MEPCE: variants seen among roughly 807,000 people sequenced by gnomAD.
The protein encoded by MEPCE is methylphosphate capping enzyme.
MEPCE carries 9 observed loss-of-function variants against 52.3 expected under a neutral mutation model. The observed-to-expected ratio is 0.17, with a 90% CI of 0.10 to 0.30. MEPCE has a LOEUF of 0.30. Ranked by LOEUF, MEPCE falls within the 10% of genes least tolerant of loss-of-function variation. The pLI, the probability that MEPCE is intolerant of heterozygous loss-of-function variation, is 1.00. For missense variants in MEPCE, 826 were observed against 933.0 expected, an observed-to-expected ratio of 0.89 and a Z score of 1.49; for synonymous variants, 477 against 401.6, an observed-to-expected ratio of 1.19 and a Z score of -2.25.
Position 100,430,555 on chromosome 7 carries a change from T to C in MEPCE, c.537T>C (p.Ser179=), listed in dbSNP as rs979057742. Residue 179 remains serine (S), a synonymous_variant, in exon 1 of 4, where the codon TCT becomes TCC. Transcript: ENST00000310512. The stretch of plus-strand genomic sequence containing the variant: ...GGCGGGTGAATTCGGACTGTGACTC[T>C]GTGTTACCCTCCAACTTCCTCCTGG... ...RRRRVNSDCD[S]VLPSNFLLGG... The C allele has an allele frequency of 2.5e-6, 4 of 1,594,356 alleles. No homozygotes were observed. The highest frequency in any genetic ancestry group is 1.3e-5 in the African/African-American group (1 of 74,714).
At chr7:100,431,834 T>C in intron 1 of MEPCE, 145 bp downstream of exon 1, 1 of 761,370 alleles carries the variant, frequency 1.3e-6, no homozygotes, top group Non-Finnish European at 2.1e-6. Flanking sequence ...GTCTCTCCCC[T>C]CTTATAACCT....
rs769371814 is a variant in MEPCE, at chr7:100,430,619, C to T, written c.601C>T (p.Leu201=). The stretch of plus-strand genomic sequence containing the variant: ...TGATCCCCTGAACCTGAATAGCCTC[C>T]TGGATGAGGAAGTGAGCCGCACTCT... ...IFDPLNLNSL[L]DEEVSRTLNA... is the part of the protein sequence containing the mutation. Residue 201 remains leucine (L), a synonymous_variant, in exon 1 of 4, where the codon CTG becomes TTG. Transcript: ENST00000310512. The T allele has an allele frequency of 2.5e-6, 4 of 1,613,350 alleles. No homozygotes were observed. Among genetic ancestry groups the T allele is most frequent in the East Asian group, 2.2e-5 (1 of 44,874 alleles).
chr7:100,433,836 G>T lies in MEPCE; in HGVS notation c.*282G>T, dbSNP rs1389130504. The T allele has an allele frequency of 6.0e-6, 3 of 497,494 alleles. No homozygotes were observed. The highest frequency in any genetic ancestry group is 1.1e-5 in the Non-Finnish European group (3 of 279,858). The allele number at this position is 497,494 out of a possible 1,614,324, so 30.8% of individuals were successfully genotyped here. A position where few individuals can be genotyped will look rare whatever the true frequency, so the allele number is the denominator to read the frequency against. ...TGTTTGCTGACCTCTGTTCTCTTAGGGCATGGGAGGTGGGAGGATATCAAA... is the reference window on the plus strand; with the variant it reads ...TGTTTGCTGACCTCTGTTCTCTTAGTGCATGGGAGGTGGGAGGATATCAAA... On this transcript the variant is annotated 3_prime_UTR_variant, in exon 4 of 4. Coordinates refer to ENST00000310512, the MANE Select transcript of MEPCE (RefSeq NM_019606.6).
Position 100,431,619 on chromosome 7 carries a change from T to C in MEPCE, c.1601T>C (p.Ile534Thr), listed in dbSNP as rs1268813754. ...PASLTASRGP[I>T]AAPQVPLDGA... Reference sequence around the variant, plus strand: ...TCGCTGACTGCCAGCCGGGGTCCCATCGCTGCCCCCCAAGTGCCCTTGGAT... The same window carrying C: ...TCGCTGACTGCCAGCCGGGGTCCCACCGCTGCCCCCCAAGTGCCCTTGGAT... Residue 534 changes from isoleucine to threonine, a missense_variant, in exon 1 of 4, where the codon ATC (isoleucine) becomes ACC (threonine). Ile to Thr is a moderately conservative substitution (Grantham distance 89, BLOSUM62 -1). Around this residue, in one of 7 missense-constraint regions of MEPCE, gnomAD observed 107 missense variants for 157.9 expected, o/e 0.68. Coordinates refer to ENST00000310512, the MANE Select transcript of MEPCE (RefSeq NM_019606.6). 2 of 1,608,986 alleles carry C rather than the reference T, an allele frequency of 1.2e-6. No homozygotes were observed. The highest frequency in any genetic ancestry group is 1.7e-6 in the Non-Finnish European group (2 of 1,180,000).
chr7:100,432,143 C>T (rs866688163), intron 1 of MEPCE, among the ~76,000 whole-genome samples: 1 of 152,202 alleles, frequency 6.6e-6, no homozygotes, highest in African/African-American at 2.4e-5. Flanking sequence ...CCTTTGATAG[C>T]CACCTTGCTC....
chr7:100,429,187 A>G (rs760498038), upstream of MEPCE: 1 of 152,026 alleles, frequency 6.6e-6, no homozygotes, highest in Non-Finnish European at 1.5e-5. Context: ...CAGCTCATGA[A>G]TAATTCATGA....
Position 100,430,915 on chromosome 7 carries a change from C to T in MEPCE, c.897C>T (p.Ala299=), listed in dbSNP as rs1332341426. 1.2e-6 allele frequency: 2 copies of T among 1,608,914 alleles called. No individual in the cohort carries two copies. The highest frequency in any genetic ancestry group is 1.7e-5 in the Admixed American group (1 of 59,800). ...PLTPLLHGEG[A]SQQPRHRGQN... ...CCCCCTTACTCCACGGGGAGGGCGC[C>T]TCACAGCAGCCGCGGCACAGGGGCC... Residue 299 remains alanine (A), a synonymous_variant, in exon 1 of 4, where the codon GCC becomes GCT. Coordinates refer to ENST00000310512, the MANE Select transcript of MEPCE (RefSeq NM_019606.6).
upstream of MEPCE, chr7:100,429,698 G>A: frequency 3.5e-6 from 1 of 287,758 alleles, no homozygotes; most frequent in East Asian, 5.5e-5. Context: ...TGGTGGCGGA[G>A]TGCGCATGCG....
rs140474713 is a variant in MEPCE at position 100,431,536 on chromosome 7, G to A, written c.1518G>A (p.Pro506=). Residue 506 remains proline, a synonymous_variant, in exon 1 of 4, where the codon CCG becomes CCA. Coordinates refer to ENST00000310512, the MANE Select transcript of MEPCE (RefSeq NM_019606.6). ...RLPPQTLEGD[P]GAEGEEGTTT... ...CACCCCAGACTTTGGAAGGGGACCC[G>A]GGGGCAGAGGGTGAGGAAGGGACCA... is the stretch of plus-strand genomic sequence containing the variant. 10 of 1,612,692 alleles carry A rather than the reference G, an allele frequency of 6.2e-6. No homozygotes were observed. The East Asian group carries it at 1.1e-4, about 18-fold the overall frequency.
In MEPCE at chr7:100,430,986, A is replaced by G. The variant is rs1323239855; in HGVS notation, c.968A>G (p.Asn323Ser). Residue 323 changes from asparagine (N) to serine (S), a missense_variant, in exon 1 of 4, where the codon AAC (asparagine) becomes AGC (serine). Asn to Ser is a conservative substitution (Grantham distance 46). This residue lies in a region of MEPCE where 307 missense variants were observed against 292.1 expected (regional missense o/e 1.05). Coordinates refer to ENST00000310512, the MANE Select transcript of MEPCE (RefSeq NM_019606.6). ...CCCTATGAACTCAACACAGCCATCA[A>G]CTGCAGGGATGAAGTGGTGTCTCCC... ...PQPYELNTAI[N>S]CRDEVVSPLP... The G allele has an allele frequency of 7.4e-6, 12 of 1,612,814 alleles. No homozygotes were observed. The highest frequency in any genetic ancestry group is 2.2e-5 in the South Asian group (2 of 90,988).
Position 100,429,905 on chromosome 7 carries a change from A to T in MEPCE, c.-114A>T. On this transcript the variant is annotated 5_prime_UTR_variant, in exon 1 of 4. Transcript: ENST00000310512. ...CTTGGGCGCGAGACTAGGCGTGAAG[A>T]GCAGAGCTGCGCGCGCACTCGGGAA... 1 of 855,904 alleles carries T rather than the reference A, an allele frequency of 1.2e-6. No individual in the cohort carries two copies. Among genetic ancestry groups the T allele is most frequent in the Non-Finnish European group, 1.5e-6 (1 of 646,974 alleles). The allele number at this position is 855,904 out of a possible 1,614,324, so 53.0% of individuals were successfully genotyped here. A position where few individuals can be genotyped will look rare whatever the true frequency, so the allele number is the denominator to read the frequency against.
upstream of MEPCE, chr7:100,429,239 C>G (rs1457707683): frequency 6.6e-6 from 1 of 152,242 alleles, no homozygotes; most frequent in Non-Finnish European, 1.5e-5. Context: ...CCGGATCGCG[C>G]TGACGCACGC....
chr7:100,433,422 T>C, intron 3 of MEPCE, 33 bp downstream of exon 3: 1 of 1,614,132 alleles, frequency 6.2e-7, no homozygotes, highest in East Asian at 2.2e-5. Context: ...GGGAGGCTGG[T>C]CCTGGCTGAA....
Position 100,430,167 on chromosome 7 carries a change from G to A in MEPCE, c.149G>A (p.Gly50Asp). Residue 50 changes from glycine to aspartate, a missense_variant, in exon 1 of 4, where the codon GGT becomes GAT. Physicochemically the swap from Gly to Asp is moderately conservative, Grantham distance 94. Around this residue, in one of 7 missense-constraint regions of MEPCE, gnomAD observed 314 missense variants for 277.7 expected, o/e 1.13. Coordinates refer to ENST00000310512, the MANE Select transcript of MEPCE (RefSeq NM_019606.6). ...GAGCTCCGCGGCGGGACGGAGCGTGGTCCGGGTCGTTGCGCGCCATCTGCG... is the reference window on the plus strand; with the variant it reads ...GAGCTCCGCGGCGGGACGGAGCGTGATCCGGGTCGTTGCGCGCCATCTGCG... ...SGELRGGTER[G>D]PGRCAPSAGS... The A allele has an allele frequency of 7.7e-7, 1 of 1,293,854 alleles. No homozygotes were observed. Among genetic ancestry groups the A allele is most frequent in the African/African-American group, 1.5e-5 (1 of 64,752 alleles). 80.1% of individuals were successfully genotyped at this position (1,293,854 alleles called of 1,614,324 possible).
In MEPCE at chr7:100,430,038, A is replaced by C. The variant is rs1176136668; in HGVS notation, c.20A>C (p.Glu7Ala). 8 of 1,270,878 alleles carry C rather than the reference A, an allele frequency of 6.3e-6. No individual in the cohort carries two copies. Among genetic ancestry groups the C allele is most frequent in the Non-Finnish European group, 6.9e-6 (7 of 1,008,902 alleles). 78.7% of individuals were successfully genotyped at this position (1,270,878 alleles called of 1,614,324 possible). Residue 7 changes from glutamate to alanine, a missense_variant, in exon 1 of 4, where the codon GAG becomes GCG. Transcript: ENST00000310512. MIEMAA[E>A]KEPFLVPAPP... ...GAGGAAATGATCGAGATGGCGGCGG[A>C]GAAGGAGCCGTTTCTGGTGCCGGCC...
upstream of MEPCE, chr7:100,429,820 G>C (rs1232251090): frequency 1.7e-5 from 7 of 420,794 alleles, no homozygotes; most frequent in East Asian, 7.1e-5. Context: ...AGTAGTTCGG[G>C]TCTCGCGGGC....
rs759091141 is a variant in MEPCE at position 100,433,258 on chromosome 7, C to T, written c.1891-5C>T. The T allele has an allele frequency of 6.2e-6, 10 of 1,614,048 alleles. No individual in the cohort carries two copies. The highest frequency in any genetic ancestry group is 7.6e-6 in the Non-Finnish European group (9 of 1,180,044). ...GCTGAAGTGGTCCCTTGCCTCTCTC[C>T]TTAGGAAACGATCTACAAGAACTAC... On this transcript the variant is annotated splice_polypyrimidine_tract_variant and splice_region_variant and intron_variant, in intron 2 of 3. Transcript: ENST00000310512.
In MEPCE at chr7:100,433,376, C is replaced by T; in HGVS notation, c.2004C>T (p.His668=). ...FSSYELVATP[H]NTSKGFQRPV... is the part of the protein sequence containing the mutation. ...GCTATGAGCTTGTGGCCACACCCCA[C>T]AACACCTCTAAAGGTAAGGCTGGTT... Residue 668 remains histidine, a synonymous_variant, in exon 3 of 4, where the codon CAC becomes CAT. Coordinates refer to ENST00000310512, the MANE Select transcript of MEPCE (RefSeq NM_019606.6). 3.1e-6 allele frequency: 5 copies of T among 1,614,226 alleles called. No homozygotes were observed. The highest frequency in any genetic ancestry group is 4.2e-6 in the Non-Finnish European group (5 of 1,180,044).
chr7:100,433,815 T>G lies in MEPCE; in HGVS notation c.*261T>G. On this transcript the variant is annotated 3_prime_UTR_variant, in exon 4 of 4. Coordinates refer to ENST00000310512, the MANE Select transcript of MEPCE (RefSeq NM_019606.6). ...CCCAGGCTGGATGGCATGGACTGTT[T>G]GCTGACCTCTGTTCTCTTAGGGCAT... 3 of 549,110 alleles carry G rather than the reference T, an allele frequency of 5.5e-6. No homozygotes were observed. The highest frequency in any genetic ancestry group is 9.7e-6 in the Non-Finnish European group (3 of 309,348). 34.0% of individuals were successfully genotyped at this position (549,110 alleles called of 1,614,324 possible).
Sources: gnomAD v4.1 joint callset for allele counts (sites outside exome capture counted in the v4.1 genomes callset) on GRCh38, gnomAD v4.1.1 for gene constraint, gnomAD v4.1.1 regional missense constraint, MANE v1.5 for transcripts, NCBI Gene and HGNC (gene_info 2026-07-23, HGNC 2026-07-21) for gene names.